The following NRG3 variants were observed in gnomAD, a reference collection of about 807,000 sequenced individuals.
The protein encoded by NRG3 is pro-neuregulin-3, membrane-bound isoform.
NRG3 carries 31 observed loss-of-function variants against 66.9 expected under a neutral mutation model. The ratio of observed to expected loss-of-function variants is 0.46; its 90% CI spans 0.35 to 0.63. The LOEUF is 0.63. Among genes scored for constraint, NRG3 ranks in the 20% least tolerant of loss-of-function variants. The probability of loss-of-function intolerance (pLI) is 0.00; values close to 1 mark genes in which losing one functional copy is unlikely to be tolerated. For synonymous variants in NRG3, 393 were observed against 359.4 expected (o/e 1.09, Z -1.06); for missense variants, 910 against 878.9 (o/e 1.04, Z -0.45).
intron 1 of NRG3, among the ~76,000 whole-genome samples, chr10:82,318,179 C>T (rs186645229): frequency 5.3e-5 from 8 of 151,778 alleles, no homozygotes; most frequent in African/African-American, 1.9e-4. Flanking sequence ...GGAATTTCCT[C>T]ATGGGCAAAA....
chr10:82,411,135 C>T (rs552890289), intron 2 of NRG3, among the ~76,000 whole-genome samples: 6 of 152,154 alleles, frequency 3.9e-5, no homozygotes, highest in East Asian at 1.9e-4. Context: ...AGGCTGGTCT[C>T]GAACTCCTGA....
Position 82,841,221 on chromosome 10 carries a change from A to G in NRG3, c.1028-24190A>G, listed in dbSNP as rs552156905. On this transcript the variant is annotated intron_variant, in intron 3 of 8. Transcript: ENST00000372141. ...ATTCTTTCCTACAGCCATTGGAAGG[A>G]GTATGGCCCTGCTAACCCCTTGATT... Among the ~76,000 whole-genome samples, 4 of 152,298 alleles carry G rather than the reference A, an allele frequency of 2.6e-5. No homozygotes were observed. In the South Asian group the frequency reaches 8.3e-4, roughly 32 times the overall value.
chr10:82,635,154 A>G (rs979346756), intron 2 of NRG3, among the ~76,000 whole-genome samples: 5 of 152,198 alleles, frequency 3.3e-5, no homozygotes, highest in Non-Finnish European at 7.3e-5. Context: ...GGAGAGGCTA[A>G]TACAGTGCAT....
At chr10:82,586,765 A>G (rs1205344415) in intron 2 of NRG3, among the ~76,000 whole-genome samples, 1 of 152,316 alleles carries the variant, frequency 6.6e-6, no homozygotes, top group East Asian at 1.9e-4. Flanking sequence ...TCATATCTAT[A>G]CAATACATAT....
chr10:82,291,612 C>T (rs1259221289), intron 1 of NRG3, among the ~76,000 whole-genome samples: 1 of 152,298 alleles, frequency 6.6e-6, no homozygotes, highest in Non-Finnish European at 1.5e-5. Flanking sequence ...GAGAGAGACA[C>T]AAATCAGTTG....
In NRG3 at chr10:82,801,497, G is replaced by A. The variant is rs1483442885; in HGVS notation, c.1027+62847G>A. On this transcript the variant is annotated intron_variant, in intron 3 of 8. Coordinates refer to ENST00000372141, the MANE Select transcript of NRG3 (RefSeq NM_001010848.4). ...GCAGATTGCCAAGCCCTCCAACAATGAATTACAGCCATCAAGCTGTGGCAT... is the reference window on the plus strand; with the variant it reads ...GCAGATTGCCAAGCCCTCCAACAATAAATTACAGCCATCAAGCTGTGGCAT... 2.0e-5 allele frequency among the ~76,000 whole-genome samples: 3 copies of A among 152,116 alleles called. No homozygotes were observed. The South Asian group carries it at 6.2e-4, about 32-fold the overall frequency.
At chr10:82,349,668 C>A (rs367663252) in intron 1 of NRG3, among the ~76,000 whole-genome samples, 6 of 151,926 alleles carry the variant, frequency 3.9e-5, no homozygotes, top group Admixed American at 2.0e-4. Flanking sequence ...CCCAACCTCG[C>A]TGCCGCCTTG....
intron 2 of NRG3, among the ~76,000 whole-genome samples, chr10:82,618,563 C>T (rs538395590): frequency 6.6e-6 from 1 of 152,102 alleles, no homozygotes; most frequent in South Asian, 2.1e-4. Flanking sequence ...AGCATAATAA[C>T]GTGCATTTCT....
At chr10:82,062,678 A>T (rs150842782) in intron 1 of NRG3, among the ~76,000 whole-genome samples, 110 of 152,216 alleles carry the variant, frequency 7.2e-4, no homozygotes, top group African/African-American at 2.2e-3. Context: ...GGAGCAGAAT[A>T]TAGGGGCATG....
intron 1 of NRG3, among the ~76,000 whole-genome samples, chr10:82,205,876 A>T (rs1198728418): frequency 6.6e-6 from 1 of 152,096 alleles, no homozygotes; most frequent in East Asian, 1.9e-4. Context: ...CTTTGTTAGG[A>T]TCACATTTCA....
intron 1 of NRG3, among the ~76,000 whole-genome samples, chr10:81,924,458 G>A (rs1253828036): frequency 6.6e-6 from 1 of 152,190 alleles, no homozygotes; most frequent in Non-Finnish European, 1.5e-5. Flanking sequence ...CCTTGGGTGA[G>A]CTTGTGGTCT....
chr10:82,422,429 C>G (rs1000515937), intron 2 of NRG3, among the ~76,000 whole-genome samples: 1 of 151,986 alleles, frequency 6.6e-6, no homozygotes, highest in Admixed American at 6.6e-5. Context: ...ACTGGGAAAG[C>G]CCCTGTTAAT....
At chr10:82,410,061 C>T (rs554376138) in intron 2 of NRG3, among the ~76,000 whole-genome samples, 183 of 152,066 alleles carry the variant, frequency 1.2e-3, no homozygotes, top group African/African-American at 4.1e-3. Context: ...TCCTTCATAC[C>T]GTATTGTTGA....
chr10:82,313,156 G>A (rs1189277481), intron 1 of NRG3, among the ~76,000 whole-genome samples: 2 of 151,884 alleles, frequency 1.3e-5, no homozygotes, highest in Non-Finnish European at 2.9e-5. Flanking sequence ...CTACCTGACA[G>A]AGCGAGACCC....
chr10:82,160,358 A>G (rs2071493031), intron 1 of NRG3, among the ~76,000 whole-genome samples: 1 of 152,020 alleles, frequency 6.6e-6, no homozygotes, highest in African/African-American at 2.4e-5. Context: ...ATGCAAAAGT[A>G]TAAACAGCAA....
At chr10:82,509,800 G>A (rs2132431230) in intron 2 of NRG3, among the ~76,000 whole-genome samples, 1 of 152,234 alleles carries the variant, frequency 6.6e-6, no homozygotes, top group African/African-American at 2.4e-5. Flanking sequence ...TGTTCAACCT[G>A]ACCTATAGGA....
At position 82,707,011 on chromosome 10, in the gene NRG3, TA is replaced by T. The variant is rs1273998957; in HGVS notation, c.954-31562del. On this transcript the variant is annotated intron_variant, in intron 2 of 8. Transcript: ENST00000372141. ...TCCATCTCAAAAAAAAAAAATAAAATAAAATAAATATATATATATATATATA... is the reference window on the plus strand; with the variant it reads ...TCCATCTCAAAAAAAAAAAATAAAATAAATAAATATATATATATATATATA... 3.6e-3 allele frequency among the ~76,000 whole-genome samples: 387 copies of T among 108,090 alleles called. 1 individual carries two copies. Among genetic ancestry groups the T allele is most frequent in the African/African-American group, 0.013 (368 of 27,486 alleles). The allele number at this position is 108,090 out of a possible 152,430, so 70.9% of individuals were successfully genotyped here.
intron 1 of NRG3, among the ~76,000 whole-genome samples, chr10:82,151,253 A>G (rs2070727269): frequency 6.6e-6 from 1 of 152,240 alleles, no homozygotes; most frequent in South Asian, 2.1e-4. Flanking sequence ...AGGAGTGACT[A>G]GGAGTTTGAA....
intron 1 of NRG3, among the ~76,000 whole-genome samples, chr10:82,312,789 T>C (rs2081098540): frequency 6.6e-6 from 1 of 152,124 alleles, no homozygotes; most frequent in South Asian, 2.1e-4. Context: ...TTTTTTTTTC[T>C]ATTTGTACAG....
Sources: allele counts gnomAD v4.1 joint callset (sites outside exome capture counted in the v4.1 genomes callset), GRCh38; gene constraint gnomAD v4.1.1; transcripts MANE v1.5; gene names NCBI Gene and HGNC (gene_info 2026-07-23, HGNC 2026-07-21).